Variants in CA10 observed in about 807,000 individuals in gnomAD.
CA10 encodes the protein carbonic anhydrase-related protein 10.
Under a neutral mutation model 44.2 loss-of-function variants are expected in CA10, and 14 were observed. That is an observed-to-expected ratio of 0.32 (90% CI 0.21 to 0.50). The LOEUF is 0.50. Ranked by LOEUF, CA10 falls within the 20% of genes least tolerant of loss-of-function variation. The pLI is 0.99. For synonymous variants in CA10, 159 were observed against 141.6 expected, an observed-to-expected ratio of 1.12 and a Z score of -0.87; for missense variants, 350 against 409.7, an observed-to-expected ratio of 0.85 and a Z score of 1.26.
chr17:51,959,275 T>C (rs1236294780), intron 2 of CA10, among the ~76,000 whole-genome samples: 4 of 102,032 alleles, frequency 3.9e-5, no homozygotes, highest in Admixed American at 1.0e-4. Context: ...TCTCTCGCTC[T>C]CTCTCTCTGT....
At chr17:51,959,598 A>ACCC (rs1983807037) in intron 2 of CA10, among the ~76,000 whole-genome samples, 1 of 151,968 alleles carries the variant, frequency 6.6e-6, no homozygotes, top group Non-Finnish European at 1.5e-5. Context: ...GCAGCGTAAC[A>ACCC]ACTGCTTTGA....
Position 51,969,392 on chromosome 17 carries a change from C to A in CA10, c.137-38260G>T, listed in dbSNP as rs145601580. On this transcript the variant is annotated intron_variant, in intron 2 of 8. Coordinates refer to ENST00000451037, the MANE Select transcript of CA10 (RefSeq NM_020178.5). ...TCACGTATCTGGTAAGTGGACAGAG[C>A]TGTAATTTCACTGTGCGTCTGAGTC... 1.3e-3 allele frequency among the ~76,000 whole-genome samples: 203 copies of A among 152,174 alleles called. No individual in the cohort carries two copies. The Middle Eastern group carries it at 0.02, about 15-fold the overall frequency.
At chr17:51,755,365 C>T (rs559956145) in intron 3 of CA10, among the ~76,000 whole-genome samples, 1 of 152,194 alleles carries the variant, frequency 6.6e-6, no homozygotes, top group Non-Finnish European at 1.5e-5. Context: ...GGAGATAGCG[C>T]TTGTAGGGTG....
chr17:51,786,477 G>A (rs538578687), intron 3 of CA10, among the ~76,000 whole-genome samples: 51 of 152,254 alleles, frequency 3.3e-4, no homozygotes, highest in African/African-American at 1.0e-3. Flanking sequence ...ACTTGAGTCC[G>A]GGAGGCAGAG....
intron 6 of CA10, among the ~76,000 whole-genome samples, chr17:51,638,563 C>T (rs1002502466): frequency 2.0e-5 from 3 of 152,204 alleles, no homozygotes; most frequent in Admixed American, 1.3e-4. Flanking sequence ...TTGGGGGTTA[C>T]ATCAGGGGCC....
At chr17:51,764,200 T>G (rs1905291020) in intron 3 of CA10, among the ~76,000 whole-genome samples, 1 of 152,172 alleles carries the variant, frequency 6.6e-6, no homozygotes, top group South Asian at 2.1e-4. Flanking sequence ...GCCAACAATC[T>G]TGTAGTGGCA....
At chr17:51,718,644 A>T (rs1458244666) in intron 4 of CA10, among the ~76,000 whole-genome samples, 1 of 152,218 alleles carries the variant, frequency 6.6e-6, no homozygotes, top group African/African-American at 2.4e-5. Flanking sequence ...AAAAGTGGTC[A>T]TGGGAACATG....
At chr17:51,840,028 T>C (rs999963675) in intron 3 of CA10, among the ~76,000 whole-genome samples, 20 of 152,210 alleles carry the variant, frequency 1.3e-4, no homozygotes, top group Admixed American at 2.0e-4. Flanking sequence ...AAATAGAGTA[T>C]AGTGTTTAAG....
intron 3 of CA10, among the ~76,000 whole-genome samples, chr17:51,874,979 C>CTTTTCTTTTCTT (rs1980000760): frequency 1.4e-5 from 2 of 141,368 alleles, no homozygotes; most frequent in African/African-American, 5.1e-5. Context: ...CTTTTCTTTT[C>CTTTTCTTTTCTT]TTTTCTTTTC....
In CA10 at chr17:52,006,542, A is replaced by G. The variant is rs150436434; in HGVS notation, c.136+65777T>C. On this transcript the variant is annotated intron_variant, in intron 2 of 8. Transcript: ENST00000451037. ...TTTTTTCCCTCTTTCCCTAGAGGTA[A>G]TCAAGGTCCCAAAGCTGTTTTATAT... Among the ~76,000 whole-genome samples, 19 of 151,876 alleles carry G rather than the reference A, an allele frequency of 1.3e-4. No individual in the cohort carries two copies. The East Asian group carries it at 3.7e-3, about 30-fold the overall frequency.
intron 1 of CA10, among the ~76,000 whole-genome samples, chr17:52,133,950 G>A (rs989397696): frequency 6.6e-6 from 1 of 152,198 alleles, no homozygotes; most frequent in African/African-American, 2.4e-5. Flanking sequence ...AGGGGAGGCA[G>A]GAAGTGAGAT....
intron 8 of CA10, among the ~76,000 whole-genome samples, chr17:51,632,164 T>C (rs1035390451): frequency 3.3e-5 from 5 of 152,240 alleles, no homozygotes; most frequent in Non-Finnish European, 5.9e-5. Flanking sequence ...AGAGATTTTA[T>C]GGCTTCAAAA....
intron 1 of CA10, among the ~76,000 whole-genome samples, chr17:52,157,378 G>A (rs1376524684): frequency 6.6e-6 from 1 of 151,974 alleles, no homozygotes; most frequent in Non-Finnish European, 1.5e-5. Flanking sequence ...TGAAAGCCAG[G>A]GGATGGGGGT....
chr17:51,856,402 G>C (rs1979046568), intron 3 of CA10, among the ~76,000 whole-genome samples: 1 of 149,896 alleles, frequency 6.7e-6, no homozygotes, highest in South Asian at 2.1e-4. Context: ...AACTCCCCTG[G>C]TCTCCAAATG....
chr17:51,744,407 C>A (rs144713813), intron 4 of CA10, among the ~76,000 whole-genome samples: 4 of 151,916 alleles, frequency 2.6e-5, no homozygotes, highest in Non-Finnish European at 4.4e-5. Context: ...GAATGTGAGT[C>A]ACCTTTATGG....
intron 1 of CA10, chr17:52,134,936 A>C (rs1989320794): frequency 1.9e-6 from 1 of 518,858 alleles, no homozygotes; most frequent in Admixed American, 1.9e-5. Context: ...CCACATCCTG[A>C]ACGGCTCCTG....
chr17:52,128,930 C>G (rs775964909), intron 1 of CA10, among the ~76,000 whole-genome samples: 1 of 152,198 alleles, frequency 6.6e-6, no homozygotes, highest in Non-Finnish European at 1.5e-5. Context: ...GTGAATCACA[C>G]CCTACCCATG....
intron 1 of CA10, among the ~76,000 whole-genome samples, chr17:52,113,671 G>A (rs1988833053): frequency 1.3e-5 from 2 of 152,180 alleles, no homozygotes; most frequent in African/African-American, 2.4e-5. Context: ...TCCACATGAT[G>A]TAAATTTGTT....
chr17:52,124,412 C>G (rs1989075343), intron 1 of CA10, among the ~76,000 whole-genome samples: 1 of 152,084 alleles, frequency 6.6e-6, no homozygotes. Flanking sequence ...TCTCCTTTCC[C>G]CAGGATTCTG....
Sources: allele counts gnomAD v4.1 joint callset (sites outside exome capture counted in the v4.1 genomes callset), GRCh38; gene constraint gnomAD v4.1.1; transcripts MANE v1.5; gene names NCBI Gene and HGNC (gene_info 2026-07-23, HGNC 2026-07-21).